The following NAALADL2 variants were observed in gnomAD, a reference collection of about 807,000 sequenced individuals.
NAALADL2 encodes the protein N-acetylated alpha-linked acidic dipeptidase like 2.
Under a neutral mutation model 87.2 loss-of-function variants are expected in NAALADL2, and 76 were observed. That is an observed-to-expected ratio of 0.87 (90% CI 0.72 to 1.05). NAALADL2 has a LOEUF of 1.05. Ranked by LOEUF, NAALADL2 falls within the 50% of genes least tolerant of loss-of-function variation. NAALADL2 has a pLI of 0.00. For missense variants in NAALADL2, 1,089 were observed against 945.8 expected (o/e 1.15, Z -1.99); for synonymous variants, 354 against 331.0 (o/e 1.07, Z -0.75).
intron 11 of NAALADL2, among the ~76,000 whole-genome samples, chr3:175,710,597 T>TAC (rs143443595): frequency 0.091 from 13,700 of 151,062 alleles, 1,818 homozygotes; most frequent in African/African-American, 0.29. Flanking sequence ...TATATATATA[T>TAC]ACACATATAT....
At chr3:175,588,239 A>G (rs1720830866) in intron 10 of NAALADL2, among the ~76,000 whole-genome samples, 1 of 152,142 alleles carries the variant, frequency 6.6e-6, no homozygotes, top group Non-Finnish European at 1.5e-5. Context: ...AGAAATGTGG[A>G]CACCTGAGCC....
chr3:175,723,056 C>T (rs1742452721), intron 11 of NAALADL2, among the ~76,000 whole-genome samples: 3 of 152,204 alleles, frequency 2.0e-5, no homozygotes, highest in South Asian at 2.1e-4. Flanking sequence ...TTAATCGGCT[C>T]CTAGGGGCAG....
chr3:174,855,996 ATATATAT>A (rs1415410527), upstream of NAALADL2, among the ~76,000 whole-genome samples: 1 of 150,314 alleles, frequency 6.7e-6, no homozygotes, highest in African/African-American at 2.5e-5. Flanking sequence ...ATATATATAT[ATATATAT>A]GAGAGAGAGA....
At chr3:174,571,507 G>A (rs1469780601) in intron 2 of NAALADL2, among the ~76,000 whole-genome samples, 1 of 152,104 alleles carries the variant, frequency 6.6e-6, no homozygotes, top group Non-Finnish European at 1.5e-5. Context: ...AGCCTCCCGA[G>A]TAGCTGGGAT....
chr3:175,551,464 C>T (rs1490524182), intron 9 of NAALADL2, among the ~76,000 whole-genome samples: 1 of 152,146 alleles, frequency 6.6e-6, no homozygotes, highest in Non-Finnish European at 1.5e-5. Context: ...GTTGGCTTCA[C>T]ATTTTTAAAA....
intron 3 of NAALADL2, among the ~76,000 whole-genome samples, chr3:174,804,937 A>C (rs1719287773): frequency 6.6e-6 from 1 of 152,182 alleles, no homozygotes; most frequent in South Asian, 2.1e-4. Context: ...GAGAGGTTCA[A>C]ATTCTTGCTG....
chr3:175,006,594 C>G (rs780579876), intron 1 of NAALADL2, among the ~76,000 whole-genome samples: 20 of 147,606 alleles, frequency 1.4e-4, no homozygotes, highest in Non-Finnish European at 2.7e-4. Context: ...TCTTTTTTTT[C>G]TTCTTATACA....
chr3:174,538,618 T>A (rs1201695764), intron 1 of NAALADL2, among the ~76,000 whole-genome samples: 1 of 152,110 alleles, frequency 6.6e-6, no homozygotes, highest in Non-Finnish European at 1.5e-5. Context: ...TAACTAAGAT[T>A]CTGGCATTTT....
At chr3:175,085,221 A>G (rs780199149) in intron 1 of NAALADL2, among the ~76,000 whole-genome samples, 29 of 152,076 alleles carry the variant, frequency 1.9e-4, no homozygotes, top group Non-Finnish European at 3.8e-4. Context: ...AGTTACTTCA[A>G]CTCTGTCTCT....
chr3:175,457,858 AGAG>A (rs1305971026), intron 6 of NAALADL2, among the ~76,000 whole-genome samples: 2 of 151,164 alleles, frequency 1.3e-5, no homozygotes, highest in Non-Finnish European at 2.9e-5. Flanking sequence ...ACTGTAAAGA[AGAG>A]ATTTTTCCTT....
At chr3:175,667,177 GAAAGAGAAAGAAAGAAAGAAAGAAAGAA>G (rs1733149762) in intron 11 of NAALADL2, among the ~76,000 whole-genome samples, 1 of 115,604 alleles carries the variant, frequency 8.7e-6, no homozygotes, top group African/African-American at 3.6e-5. Flanking sequence ...AAGAAAGAAA[GAAAGAGAAAGAAAGAAAGAAAGAAAGAA>G]AGAAAGAAAG....
chr3:174,705,373 T>C (rs1578614067), intron 2 of NAALADL2, among the ~76,000 whole-genome samples: 1 of 152,240 alleles, frequency 6.6e-6, no homozygotes, highest in African/African-American at 2.4e-5. Flanking sequence ...GTGATAGTTA[T>C]CTTCTGAAGA....
chr3:174,570,420 T>A (rs1714793024), intron 2 of NAALADL2, among the ~76,000 whole-genome samples: 1 of 152,206 alleles, frequency 6.6e-6, no homozygotes, highest in African/African-American at 2.4e-5. Context: ...TACAGGTTGA[T>A]TTGTATTTCA....
At chr3:174,566,945 G>T (rs946973907) in intron 2 of NAALADL2, among the ~76,000 whole-genome samples, 7 of 151,362 alleles carry the variant, frequency 4.6e-5, no homozygotes, top group Non-Finnish European at 8.9e-5. Flanking sequence ...TTTAAATTCT[G>T]CTTGGATAAG....
At chr3:175,747,930 G>T (rs533344894) in intron 12 of NAALADL2, among the ~76,000 whole-genome samples, 2 of 152,200 alleles carry the variant, frequency 1.3e-5, no homozygotes, top group South Asian at 4.1e-4. Context: ...CATGCAGTGA[G>T]TTGGAAGTCT....
At chr3:175,209,024 C>A (rs1258056407) in intron 2 of NAALADL2, among the ~76,000 whole-genome samples, 1 of 152,090 alleles carries the variant, frequency 6.6e-6, no homozygotes, top group Admixed American at 6.6e-5. Context: ...AACTTCTATT[C>A]TGACATTAAA....
chr3:175,181,755 G>A (rs371369139), intron 2 of NAALADL2, among the ~76,000 whole-genome samples: 12,239 of 79,556 alleles, frequency 0.15, 1,403 homozygotes, highest in Middle Eastern at 0.22. Flanking sequence ...GTATATATAT[G>A]TGTGTATATA....
chr3:175,482,118 TA>T (rs1298773218), intron 9 of NAALADL2, among the ~76,000 whole-genome samples: 1 of 151,896 alleles, frequency 6.6e-6, no homozygotes, highest in African/African-American at 2.4e-5. Context: ...TTGGAGAAAC[TA>T]AAATATACTT....
At chr3:174,885,893 T>G (rs1180702636) in intron 1 of NAALADL2, among the ~76,000 whole-genome samples, 1,085 of 28,854 alleles carry the variant, frequency 0.038, 29 homozygotes, top group African/African-American at 0.16. Context: ...TTTTTTTTTT[T>G]TTTTTTTTTT....
Sources: allele counts gnomAD v4.1 joint callset (sites outside exome capture counted in the v4.1 genomes callset), GRCh38; gene constraint gnomAD v4.1.1; transcripts MANE v1.5; gene names NCBI Gene and HGNC (gene_info 2026-07-23, HGNC 2026-07-21).